Variants in PIWIL1 observed in about 807,000 individuals in gnomAD.
The protein encoded by PIWIL1 is piwi-like protein 1.
A neutral mutation model predicts 114.4 loss-of-function variants in PIWIL1; 73 were observed. The ratio of observed to expected loss-of-function variants is 0.64; its 90% CI spans 0.53 to 0.78. The LOEUF (loss-of-function observed/expected upper bound fraction) is 0.78, where lower values mean the gene tolerates loss of function less well. Among genes scored for constraint, PIWIL1 ranks in the 30% least tolerant of loss-of-function variants. The probability of loss-of-function intolerance (pLI) is 0.00; values close to 1 mark genes in which losing one functional copy is unlikely to be tolerated. For synonymous variants in PIWIL1, 375 were observed against 369.0 expected, an observed-to-expected ratio of 1.02 and a Z score of -0.19; for missense variants, 723 against 1,063.1, an observed-to-expected ratio of 0.68 and a Z score of 4.45.
the PIWIL1 span, among the ~76,000 whole-genome samples, chr12:130,412,219 G>A: frequency 6.6e-6 from 1 of 152,128 alleles, no homozygotes; most frequent in South Asian, 2.1e-4. Context: ...ATAAGCAAAG[G>A]TCACCTAAAG....
the PIWIL1 span, among the ~76,000 whole-genome samples, chr12:130,400,665 A>G: frequency 3.9e-5 from 6 of 152,340 alleles, no homozygotes; most frequent in Non-Finnish European, 5.9e-5. Flanking sequence ...ACACCTGTGC[A>G]GTGAAGGACA....
chr12:130,365,567 C>T lies in PIWIL1; in HGVS notation c.2196-1566C>T, dbSNP rs183970428. ...TGTTTGCTTTCAAATTGAAATGTTG[C>T]TTTTAAGCTTTTATAGCAACGTATC... On this transcript the variant is annotated intron_variant, in intron 18 of 20. Transcript: ENST00000245255. Among the ~76,000 whole-genome samples the T allele has an allele frequency of 2.0e-3, 306 of 152,252 alleles. 3 individuals are homozygous for T. Among genetic ancestry groups the T allele is most frequent in the African/African-American group, 7.0e-3 (290 of 41,550 alleles).
chr12:130,421,861 A>T, the PIWIL1 span, among the ~76,000 whole-genome samples: 1 of 152,208 alleles, frequency 6.6e-6, no homozygotes, highest in Non-Finnish European at 1.5e-5. Context: ...AGGATGACTA[A>T]AACGATAGCT....
At chr12:130,410,038 T>C in the PIWIL1 span, among the ~76,000 whole-genome samples, 2 of 152,246 alleles carry the variant, frequency 1.3e-5, no homozygotes, top group African/African-American at 4.8e-5. Context: ...CCTGGCACAC[T>C]TTGTGCCCAC....
chr12:130,348,980 A>G (rs2073144051), intron 7 of PIWIL1, among the ~76,000 whole-genome samples: 2 of 152,230 alleles, frequency 1.3e-5, no homozygotes, highest in South Asian at 4.1e-4. Flanking sequence ...TAGATTGGCA[A>G]CTTTTTAAAA....
At chr12:130,354,734 C>T in intron 10 of PIWIL1, 71 bp downstream of exon 10, 1 of 1,515,530 alleles carries the variant, frequency 6.6e-7, no homozygotes, top group Non-Finnish European at 8.9e-7. Context: ...AGTCCTCAGA[C>T]ATTCCTTTAC....
intron 16 of PIWIL1, among the ~76,000 whole-genome samples, chr12:130,362,196 A>C (rs1264231684): frequency 6.6e-6 from 1 of 152,184 alleles, no homozygotes; most frequent in East Asian, 1.9e-4. Flanking sequence ...AGTACCCAGT[A>C]GTTATTTTTT....
At chr12:130,359,094 A>G (rs1194232074) in intron 14 of PIWIL1, among the ~76,000 whole-genome samples, 4 of 152,184 alleles carry the variant, frequency 2.6e-5, no homozygotes, top group Non-Finnish European at 5.9e-5. Flanking sequence ...CTGAAATTCT[A>G]TCAACATTGA....
At chr12:130,414,427 G>T in the PIWIL1 span, 1 of 979,352 alleles carries the variant, frequency 1.0e-6, no homozygotes, top group Non-Finnish European at 1.5e-6. Flanking sequence ...TGTCTTTTTT[G>T]TGTCTTAACA....
the PIWIL1 span, among the ~76,000 whole-genome samples, chr12:130,408,665 G>A: frequency 1.3e-5 from 2 of 152,202 alleles, no homozygotes; most frequent in Admixed American, 6.5e-5. Flanking sequence ...GCCCAATCAC[G>A]AAACCCCTGT....
rs1358804808 is a variant in PIWIL1 at position 130,346,373 on chromosome 12, C to T, written c.320C>T (p.Ser107Phe). 1.9e-6 allele frequency: 3 copies of T among 1,608,820 alleles called. No homozygotes were observed. The highest frequency in any genetic ancestry group is 1.1e-5 in the South Asian group (1 of 90,022). Residue 107 changes from serine to phenylalanine, a missense_variant, in exon 5 of 21, where the codon TCT (serine) becomes TTT (phenylalanine). Physicochemically the swap from Ser to Phe is radical, Grantham distance 155. Transcript: ENST00000245255. Reference protein sequence around the residue: ...LDHVKESKTGSSGIIVRLSTN... With the variant: ...LDHVKESKTGFSGIIVRLSTN... ...TGACTATAACTTCCTTTTCCAGGTTCTTCAGGCATTATAGTAAGGTTAAGC... is the reference window on the plus strand; with the variant it reads ...TGACTATAACTTCCTTTTCCAGGTTTTTCAGGCATTATAGTAAGGTTAAGC...
the PIWIL1 span, among the ~76,000 whole-genome samples, chr12:130,421,673 A>T: frequency 7.0e-6 from 1 of 142,176 alleles, no homozygotes; most frequent in South Asian, 2.2e-4. Flanking sequence ...CTGTATCAAG[A>T]GTTCTCCCTG....
Position 130,346,531 on chromosome 12 carries a change from T to A in PIWIL1, c.478T>A (p.Cys160Ser), listed in dbSNP as rs1464038913. 6.2e-7 allele frequency: 1 copy of A among 1,613,996 alleles called. No individual in the cohort carries two copies. Among genetic ancestry groups the A allele is most frequent in the African/African-American group, 1.3e-5 (1 of 74,910 alleles). Residue 160 changes from cysteine (C) to serine (S), a missense_variant, in exon 5 of 21, where the codon TGT (cysteine) becomes AGT (serine). Cys to Ser is a moderately radical substitution (Grantham distance 112). This residue lies in a region of PIWIL1 where 190 missense variants were observed against 294.4 expected (regional missense o/e 0.65). Transcript: ENST00000245255. ...TCAACACGAAGATCTAATTGGAAAG[T>A]GTCATGCTTTTGATGGAACGATATT... Reference protein sequence around the residue: ...LFQHEDLIGKCHAFDGTILFL... With the variant: ...LFQHEDLIGKSHAFDGTILFL...
At chr12:130,356,141 C>T (rs978907621) in intron 12 of PIWIL1, among the ~76,000 whole-genome samples, 3 of 151,626 alleles carry the variant, frequency 2.0e-5, no homozygotes, top group African/African-American at 7.3e-5. Context: ...TGGAAAATCC[C>T]TGATTTGATT....
intron 16 of PIWIL1, 71 bp from the exon 17 acceptor site, chr12:130,362,695 T>C (rs1312869755): frequency 2.3e-6 from 3 of 1,296,536 alleles, no homozygotes; most frequent in East Asian, 2.3e-5. Flanking sequence ...GAAATAAATA[T>C]AGAATAATTC....
chr12:130,400,338 A>G, the PIWIL1 span, among the ~76,000 whole-genome samples: 26 of 152,338 alleles, frequency 1.7e-4, no homozygotes, highest in African/African-American at 5.8e-4. Context: ...TAAACATTCA[A>G]ACAATATGGA....
the PIWIL1 span, among the ~76,000 whole-genome samples, chr12:130,416,096 G>A: frequency 6.6e-6 from 1 of 152,160 alleles, no homozygotes; most frequent in South Asian, 2.1e-4. Context: ...TCACATGAAT[G>A]CTAAAATATT....
At chr12:130,340,597 C>A (rs2072884554) in intron 1 of PIWIL1, among the ~76,000 whole-genome samples, 1 of 113,034 alleles carries the variant, frequency 8.8e-6, no homozygotes, top group Non-Finnish European at 1.7e-5. Context: ...GGTTCCGGTA[C>A]AGGTCCATGG....
At chr12:130,349,041 A>G (rs2073146004) in intron 7 of PIWIL1, among the ~76,000 whole-genome samples, 198 bp from the exon 8 acceptor site, 1 of 152,264 alleles carries the variant, frequency 6.6e-6, no homozygotes, top group South Asian at 2.1e-4. Context: ...CATTCATTTA[A>G]AATGAAACTT....
Sources: gnomAD v4.1 joint callset for allele counts (sites outside exome capture counted in the v4.1 genomes callset) on GRCh38, gnomAD v4.1.1 for gene constraint, gnomAD v4.1.1 regional missense constraint, MANE v1.5 for transcripts, NCBI Gene and HGNC (gene_info 2026-07-23, HGNC 2026-07-21) for gene names.